CEP350: variants seen among roughly 807,000 people sequenced by gnomAD.
CEP350 encodes centrosomal protein 350, also known as centrosome-associated protein 350.
Under a neutral mutation model 331.8 loss-of-function variants are expected in CEP350, and 126 were observed. The observed-to-expected ratio is 0.38, with a 90% CI of 0.33 to 0.44. The LOEUF is 0.44. Ranked by LOEUF, CEP350 falls within the 20% of genes least tolerant of loss-of-function variation. The probability of loss-of-function intolerance (pLI) is 1.00; values close to 1 mark genes in which losing one functional copy is unlikely to be tolerated. For synonymous variants in CEP350, 1,200 were observed against 1,259.5 expected (o/e 0.95, Z 1.00); for missense variants, 3,406 against 3,634.6 (o/e 0.94, Z 1.62).
At chr1:180,109,124 T>TC (rs397844525) in intron 37 of CEP350, among the ~76,000 whole-genome samples, 26 of 15,064 alleles carry the variant, frequency 1.7e-3, no homozygotes, top group African/African-American at 2.4e-3. Flanking sequence ...TCACTTTCTC[T>TC]TTTTTTTTTT....
chr1:179,994,058 A>G (rs750094916), intron 5 of CEP350, among the ~76,000 whole-genome samples: 11 of 152,230 alleles, frequency 7.2e-5, no homozygotes, highest in Non-Finnish European at 1.3e-4. Context: ...CCTAGCATGT[A>G]CTAAATATTA....
chr1:179,959,174 G>A (rs1423988596), intron 1 of CEP350, among the ~76,000 whole-genome samples: 1 of 152,184 alleles, frequency 6.6e-6, no homozygotes, highest in Non-Finnish European at 1.5e-5. Flanking sequence ...TTGATGGAAG[G>A]GCTGGGACTT....
chr1:180,015,174 G>A (rs930012128), intron 10 of CEP350, among the ~76,000 whole-genome samples: 6 of 151,904 alleles, frequency 3.9e-5, no homozygotes, highest in Non-Finnish European at 8.8e-5. Context: ...GATGGAAGGG[G>A]AGGCAGGAGG....
intron 4 of CEP350, among the ~76,000 whole-genome samples, chr1:179,991,669 G>A (rs867227801): frequency 1.1e-4 from 9 of 85,076 alleles, no homozygotes; most frequent in South Asian, 4.5e-4. Flanking sequence ...ATATATATAT[G>A]TGTGTGTGTG....
intron 14 of CEP350, among the ~76,000 whole-genome samples, chr1:180,028,968 T>A (rs1031381899): frequency 2.6e-4 from 39 of 152,192 alleles, no homozygotes; most frequent in African/African-American, 8.4e-4. Flanking sequence ...AAAACCCTGA[T>A]ATATTTCACT....
intron 18 of CEP350, 111 bp from the exon 19 acceptor site, chr1:180,041,551 A>C (rs1321055460): frequency 9.5e-7 from 1 of 1,051,884 alleles, no homozygotes; most frequent in Non-Finnish European, 1.3e-6. Flanking sequence ...AGATTGTAGT[A>C]AAGTGTTTTT....
intron 14 of CEP350, among the ~76,000 whole-genome samples, chr1:180,030,536 C>T (rs1410503355): frequency 6.6e-6 from 1 of 151,776 alleles, no homozygotes; most frequent in African/African-American, 2.4e-5. Context: ...GGGTGTATGT[C>T]ATTTCTGCTG....
Position 180,062,291 on chromosome 1 carries a change from G to A in CEP350, c.5334G>A (p.Gln1778=), listed in dbSNP as rs765501857. 4 of 1,610,962 alleles carry A rather than the reference G, an allele frequency of 2.5e-6. No homozygotes were observed. The South Asian group carries it at 4.4e-5, about 18-fold the overall frequency. The change falls in exon 26 of 38, where the codon CAG becomes CAA. Residue 1778 remains glutamine, a synonymous_variant. Coordinates refer to ENST00000367607, the MANE Select transcript of CEP350 (RefSeq NM_014810.5). ...AAAGACAGCTGATTCTTAAACAGCA[G>A]GAGGAGATAGAAAAGATCCGACAGA... The part of the protein sequence containing the change: ...RKERQLILKQ[Q]EEIEKIRQTT...
chr1:179,981,124 A>G (rs995437264), intron 1 of CEP350, among the ~76,000 whole-genome samples: 5 of 152,194 alleles, frequency 3.3e-5, no homozygotes, highest in East Asian at 1.9e-4. Context: ...GAACTTTTAT[A>G]TACCAAATAA....
At chr1:179,992,525 G>A (rs1228115089) in intron 5 of CEP350, among the ~76,000 whole-genome samples, 1 of 152,006 alleles carries the variant, frequency 6.6e-6, no homozygotes, top group Non-Finnish European at 1.5e-5. Flanking sequence ...TCCATCTCTG[G>A]AAGTGTGGCT....
At chr1:180,003,473 A>G (rs1172276195) in intron 7 of CEP350, among the ~76,000 whole-genome samples, 186 bp downstream of exon 7, 1 of 152,204 alleles carries the variant, frequency 6.6e-6, no homozygotes, top group African/African-American at 2.4e-5. Flanking sequence ...CAGGGTTAAA[A>G]TTAGCTTACA....
At chr1:180,083,209 G>T (rs994966104) in intron 30 of CEP350, among the ~76,000 whole-genome samples, 3 of 152,160 alleles carry the variant, frequency 2.0e-5, no homozygotes, top group Admixed American at 2.0e-4. Context: ...TTAGTATATG[G>T]AAATGACACC....
intron 1 of CEP350, among the ~76,000 whole-genome samples, chr1:179,975,115 A>G (rs1392609300): frequency 6.6e-6 from 1 of 152,230 alleles, no homozygotes; most frequent in Non-Finnish European, 1.5e-5. Flanking sequence ...ATGACATTAG[A>G]GTTTGGCTTT....
intron 37 of CEP350, among the ~76,000 whole-genome samples, chr1:180,109,769 G>T (rs1394423105): frequency 6.6e-6 from 1 of 152,154 alleles, no homozygotes; most frequent in African/African-American, 2.4e-5. Context: ...CCTAGTAGCT[G>T]GGACTACAGG....
chr1:180,049,971 C>A (rs1571922486), intron 22 of CEP350, among the ~76,000 whole-genome samples: 1 of 152,194 alleles, frequency 6.6e-6, no homozygotes, highest in East Asian at 1.9e-4. Flanking sequence ...TACAGTTCTA[C>A]CAGTTTACTG....
rs142711827 is a variant in CEP350, at chr1:180,062,724, C to T, written c.5409+358C>T. ...GGGCTGAGTGTGCTAGCTCAATCCC[C>T]TCTTTCTTCTCTTATTAAGCCACTA... On this transcript the variant is annotated intron_variant, in intron 26 of 37. Transcript: ENST00000367607. Among the ~76,000 whole-genome samples, 5 of 152,298 alleles carry T rather than the reference C, an allele frequency of 3.3e-5. No homozygotes were observed. The East Asian group carries it at 9.6e-4, about 29-fold the overall frequency.
chr1:180,106,914 C>A (rs1267605542), intron 37 of CEP350, among the ~76,000 whole-genome samples: 1 of 151,892 alleles, frequency 6.6e-6, no homozygotes. Context: ...TTTTTTGGAC[C>A]CTATTACAGA....
intron 1 of CEP350, among the ~76,000 whole-genome samples, chr1:179,977,570 A>G (rs940823141): frequency 2.6e-5 from 4 of 152,182 alleles, no homozygotes; most frequent in African/African-American, 9.7e-5. Flanking sequence ...GATGTGAAGA[A>G]GAAAGCTATT....
intron 1 of CEP350, among the ~76,000 whole-genome samples, chr1:179,972,173 A>G (rs1373447563): frequency 6.6e-6 from 1 of 152,192 alleles, no homozygotes; most frequent in Non-Finnish European, 1.5e-5. Context: ...TATGTGGGTT[A>G]GGATATTAGA....
Sources: allele counts gnomAD v4.1 joint callset (sites outside exome capture counted in the v4.1 genomes callset), GRCh38; gene constraint gnomAD v4.1.1; transcripts MANE v1.5; gene names NCBI Gene and HGNC (gene_info 2026-07-23, HGNC 2026-07-21).